WLS: variants seen among roughly 807,000 people sequenced by gnomAD.
The protein encoded by WLS is protein wntless homolog.
In WLS, 23 loss-of-function variants were observed where a neutral mutation model predicts 62.8. The observed-to-expected ratio is 0.37, with a 90% CI of 0.26 to 0.52. The LOEUF (loss-of-function observed/expected upper bound fraction) is 0.52. WLS is among the 20% of genes least tolerant of loss of function. The probability of loss-of-function intolerance (pLI) is 0.92; values close to 1 mark genes in which losing one functional copy is unlikely to be tolerated. For missense variants in WLS, 615 were observed against 697.3 expected (o/e 0.88, Z 1.33); for synonymous variants, 246 against 244.1 (o/e 1.01, Z -0.07).
chr1:68,129,542 C>A (rs1286793969), intron 11 of WLS, among the ~76,000 whole-genome samples: 1 of 152,196 alleles, frequency 6.6e-6, no homozygotes, highest in African/African-American at 2.4e-5. Context: ...AATTTCTCTA[C>A]TGTGCTGGAT....
intron 2 of WLS, among the ~76,000 whole-genome samples, chr1:68,168,170 C>T (rs1647089911): frequency 6.6e-6 from 1 of 152,018 alleles, no homozygotes; most frequent in African/African-American, 2.4e-5. Context: ...TCTAGGGCAG[C>T]TGCTTAATGT....
At chr1:68,109,990 G>A in intron 11 of WLS, among the ~76,000 whole-genome samples, 2 of 75,558 alleles carry the variant, frequency 2.6e-5, no homozygotes, top group African/African-American at 5.6e-5. Flanking sequence ...ATTTGCACTG[G>A]AACACAACAC....
intron 2 of WLS, chr1:68,161,928 C>T (rs1227947797): frequency 3.1e-6 from 5 of 1,610,490 alleles, no homozygotes; most frequent in East Asian, 2.2e-5. Context: ...CGATGCCTGG[C>T]GGATATCTGT....
chr1:68,183,648 A>AGGGG, intron 2 of WLS: 2 of 421,682 alleles, frequency 4.7e-6, no homozygotes, highest in South Asian at 3.7e-5. Context: ...TGAAATTCAG[A>AGGGG]GAATTGTTTA....
At chr1:68,138,455 G>A (rs1023236005) in intron 10 of WLS, 1 of 152,352 alleles carries the variant, frequency 6.6e-6, no homozygotes, top group African/African-American at 2.4e-5. Context: ...GTGTCCGTAA[G>A]TGTAACATAA....
chr1:68,183,648 A>G (rs188040018), intron 2 of WLS: 1 of 421,682 alleles, frequency 2.4e-6, no homozygotes, highest in African/African-American at 2.1e-5. Context: ...TGAAATTCAG[A>G]GAATTGTTTA....
chr1:68,232,195 A>T lies in WLS; in HGVS notation c.105T>A (p.Ile35=), dbSNP rs1204308254. The T allele has an allele frequency of 6.2e-7, 1 of 1,613,974 alleles. No individual in the cohort carries two copies. Among genetic ancestry groups the T allele is most frequent in the Non-Finnish European group, 8.5e-7 (1 of 1,180,006 alleles). ...AAGTTTGCAGCTCTCCGCACTTACC[A>T]ATCAAGCCTCCCACCAGAAAGGCGA... ...QIIAFLVGGL[I]APGPTTAVSY... The change falls in exon 1 of 12, where the codon ATT becomes ATA. Residue 35 remains isoleucine, a splice_region_variant and synonymous_variant. Transcript: ENST00000262348.
intron 11 of WLS, among the ~76,000 whole-genome samples, chr1:68,100,404 C>T (rs1335696368): frequency 6.6e-6 from 1 of 152,064 alleles, no homozygotes; most frequent in Non-Finnish European, 1.5e-5. Flanking sequence ...ACCCCAAACT[C>T]TCATTTCTTC....
intron 2 of WLS, among the ~76,000 whole-genome samples, chr1:68,172,698 G>A (rs2100545190): frequency 6.6e-6 from 1 of 152,298 alleles, no homozygotes; most frequent in South Asian, 2.1e-4. Flanking sequence ...CTACTGAGAA[G>A]AGGTGATATT....
chr1:68,142,034 A>C (rs139051684), intron 10 of WLS, among the ~76,000 whole-genome samples: 119 of 152,358 alleles, frequency 7.8e-4, no homozygotes, highest in African/African-American at 2.6e-3. Flanking sequence ...ATACTGAGGC[A>C]ATAGAATATT....
intron 2 of WLS, chr1:68,162,955 C>A: frequency 6.3e-7 from 1 of 1,592,042 alleles, no homozygotes; most frequent in Non-Finnish European, 8.6e-7. Flanking sequence ...GGCATCTCCA[C>A]AGTGCAGTCG....
intron 10 of WLS, 59 bp downstream of exon 10, chr1:68,144,510 G>T (rs1453921449): frequency 6.7e-7 from 1 of 1,503,046 alleles, no homozygotes; most frequent in Non-Finnish European, 9.1e-7. Context: ...GAATTTCTGT[G>T]CAGGGTAGAG....
At chr1:68,229,194 T>C (rs2566774) in intron 1 of WLS, among the ~76,000 whole-genome samples, 115,497 of 151,988 alleles carry the variant, frequency 0.76, 44,438 homozygotes, top group East Asian at 0.89. Flanking sequence ...CACGGATTGT[T>C]ATTGTTTGGT....
chr1:68,137,681 A>C (rs1646630431), intron 11 of WLS, 99 bp downstream of exon 11: 2 of 1,373,490 alleles, frequency 1.5e-6, no homozygotes, highest in Admixed American at 2.2e-5. Flanking sequence ...TTGGAGGGAA[A>C]GTTTCACTGG....
intron 11 of WLS, among the ~76,000 whole-genome samples, chr1:68,113,318 A>G (rs1646252155): frequency 1.3e-5 from 2 of 152,216 alleles, no homozygotes; most frequent in African/African-American, 4.8e-5. Context: ...CCTGGACTCA[A>G]ATCTACCACC....
chr1:68,170,160 C>CT (rs571306573), intron 2 of WLS, among the ~76,000 whole-genome samples: 6,437 of 86,742 alleles, frequency 0.074, 310 homozygotes, highest in African/African-American at 0.11. Context: ...GCTACTATTT[C>CT]TTTTTTTTTT....
chr1:68,152,297 G>C (rs770158366), intron 5 of WLS, among the ~76,000 whole-genome samples: 8 of 152,186 alleles, frequency 5.3e-5, no homozygotes, highest in Admixed American at 1.3e-4. Context: ...AGTCATCAGA[G>C]AATAGATGAT....
At chr1:68,182,591 T>A (rs1647651297) in intron 2 of WLS, among the ~76,000 whole-genome samples, 1 of 152,226 alleles carries the variant, frequency 6.6e-6, no homozygotes, top group East Asian at 1.9e-4. Flanking sequence ...AGCCTTGGTT[T>A]GAAGGGGCAC....
rs959312792 is a variant in WLS at position 68,148,671 on chromosome 1, C to A, written c.973-11G>T. 32 of 1,612,628 alleles carry A rather than the reference C, an allele frequency of 2.0e-5. No homozygotes were observed. The highest frequency in any genetic ancestry group is 9.3e-5 in the African/African-American group (7 of 74,882). The stretch of plus-strand genomic sequence containing the variant: ...CCGCTCGTGCTGATCCTGAGGAAAA[C>A]CAAATTGAGAAGGGAGATAGAGGGG... On this transcript the variant is annotated splice_polypyrimidine_tract_variant and intron_variant, in intron 6 of 11. Transcript: ENST00000262348.
Sources: allele counts gnomAD v4.1 joint callset (sites outside exome capture counted in the v4.1 genomes callset), GRCh38; gene constraint gnomAD v4.1.1; transcripts MANE v1.5; gene names NCBI Gene and HGNC (gene_info 2026-07-23, HGNC 2026-07-21).